The following RBMS3 variants were observed in gnomAD, a reference collection of about 807,000 sequenced individuals.
RBMS3 encodes the protein RNA binding motif single stranded interacting protein 3.
RBMS3 carries 27 observed loss-of-function variants against 66.8 expected under a neutral mutation model. The ratio of observed to expected loss-of-function variants is 0.40; its 90% CI spans 0.30 to 0.56. The LOEUF (loss-of-function observed/expected upper bound fraction) is 0.56, where lower values mean the gene tolerates loss of function less well. Among genes scored for constraint, RBMS3 ranks in the 20% least tolerant of loss-of-function variants. The pLI is 0.40. For missense variants in RBMS3, 513 were observed against 549.5 expected, an observed-to-expected ratio of 0.93 and a Z score of 0.66; for synonymous variants, 188 against 183.0, an observed-to-expected ratio of 1.03 and a Z score of -0.22.
At chr3:29,836,073 A>G (rs1340870911) in intron 6 of RBMS3, among the ~76,000 whole-genome samples, 1 of 152,062 alleles carries the variant, frequency 6.6e-6, no homozygotes, top group Non-Finnish European at 1.5e-5. Context: ...ATGATGAAAC[A>G]GAAAATCTGA....
intron 10 of RBMS3, among the ~76,000 whole-genome samples, chr3:29,912,635 T>G (rs1302750347): frequency 6.6e-6 from 1 of 152,068 alleles, no homozygotes; most frequent in East Asian, 1.9e-4. Flanking sequence ...GGACATTTCT[T>G]TTATTAACTC....
At chr3:29,650,742 G>A (rs2050117487) in intron 4 of RBMS3, among the ~76,000 whole-genome samples, 1 of 152,166 alleles carries the variant, frequency 6.6e-6, no homozygotes, top group South Asian at 2.1e-4. Flanking sequence ...CACTGCTTAA[G>A]TTATTAAAAG....
intron 1 of RBMS3, among the ~76,000 whole-genome samples, chr3:29,422,582 T>G (rs1315513483): frequency 6.6e-6 from 1 of 152,000 alleles, no homozygotes; most frequent in Non-Finnish European, 1.5e-5. Context: ...TGTAAATATT[T>G]TATAAGTTTC....
rs541946131 is a variant in RBMS3, at chr3:29,814,755, A to C, written c.637+51766A>C. 2.0e-5 allele frequency among the ~76,000 whole-genome samples: 3 copies of C among 152,326 alleles called. No individual in the cohort carries two copies. The East Asian group carries it at 5.8e-4, about 29-fold the overall frequency. ...ATTTATCCACGTGCACATTGTGCAC[A>C]TGTACCCTAAAACTTAAAGTATAAT... On this transcript the variant is annotated intron_variant, in intron 6 of 14. Transcript: ENST00000383767.
chr3:29,604,990 T>C lies in RBMS3; in HGVS notation c.399+17785T>C, dbSNP rs542461632. Among the ~76,000 whole-genome samples the C allele has an allele frequency of 1.2e-4, 19 of 152,062 alleles. No homozygotes were observed. The South Asian group carries it at 3.9e-3, about 31-fold the overall frequency. On this transcript the variant is annotated intron_variant, in intron 4 of 14. Transcript: ENST00000383767. ...TCCTCCAAAATAAAGCAAAAATAAATCTTATAATGACTTTCTTTTCTTTAT... is the reference window on the plus strand; with the variant it reads ...TCCTCCAAAATAAAGCAAAAATAAACCTTATAATGACTTTCTTTTCTTTAT...
intron 4 of RBMS3, among the ~76,000 whole-genome samples, chr3:29,650,957 A>G (rs2050123515): frequency 6.6e-6 from 1 of 152,190 alleles, no homozygotes; most frequent in Admixed American, 6.5e-5. Context: ...TATTTTACAG[A>G]GCCTGAAGTC....
intron 2 of RBMS3, among the ~76,000 whole-genome samples, chr3:29,442,019 C>G (rs1053190597): frequency 6.6e-6 from 1 of 152,026 alleles, no homozygotes; most frequent in African/African-American, 2.4e-5. Context: ...GATAATAAAG[C>G]CCTGGAATAT....
intron 3 of RBMS3, among the ~76,000 whole-genome samples, chr3:29,529,356 C>CA (rs1559441758): frequency 6.6e-6 from 1 of 150,416 alleles, no homozygotes; most frequent in Non-Finnish European, 1.5e-5. Context: ...GCCATGGGGG[C>CA]AAAAAGGGAT....
At chr3:29,991,352 G>C in intron 14 of RBMS3, 143 bp downstream of exon 14, 1 of 1,415,228 alleles carries the variant, frequency 7.1e-7, no homozygotes, top group South Asian at 1.4e-5. Context: ...TGATTATGTG[G>C]GTTTGAAATT....
intron 1 of RBMS3, among the ~76,000 whole-genome samples, chr3:29,361,867 C>T (rs1423464101): frequency 1.3e-5 from 2 of 152,192 alleles, no homozygotes; most frequent in Non-Finnish European, 2.9e-5. Flanking sequence ...GCATTCATCA[C>T]TTAGTTCTCG....
At chr3:29,778,860 C>T (rs1382715264) in intron 6 of RBMS3, among the ~76,000 whole-genome samples, 1 of 151,840 alleles carries the variant, frequency 6.6e-6, no homozygotes, top group Non-Finnish European at 1.5e-5. Flanking sequence ...TAACATTGTA[C>T]TGCTATGTCA....
chr3:29,282,012 G>A (rs1429642354), intron 1 of RBMS3, among the ~76,000 whole-genome samples: 1 of 152,110 alleles, frequency 6.6e-6, no homozygotes, highest in Non-Finnish European at 1.5e-5. Context: ...TTGTTATTTG[G>A]CAGCATAAAT....
chr3:29,427,725 G>C (rs991303548), intron 1 of RBMS3, among the ~76,000 whole-genome samples: 8 of 152,068 alleles, frequency 5.3e-5, no homozygotes, highest in African/African-American at 1.7e-4. Flanking sequence ...TATTGCATAG[G>C]AGGTGAATAA....
intron 2 of RBMS3, among the ~76,000 whole-genome samples, chr3:29,458,693 C>T (rs1178480065): frequency 2.0e-5 from 3 of 152,082 alleles, no homozygotes; most frequent in South Asian, 2.1e-4. Flanking sequence ...GGATGGGATA[C>T]AGAGGGCCAA....
intron 3 of RBMS3, among the ~76,000 whole-genome samples, chr3:29,503,322 T>C (rs575211561): frequency 1.3e-5 from 2 of 152,216 alleles, no homozygotes; most frequent in Admixed American, 1.3e-4. Flanking sequence ...CTCCAGCCTC[T>C]AATTCTTACC....
At chr3:29,900,034 G>A (rs112499364) in intron 10 of RBMS3, among the ~76,000 whole-genome samples, 15 of 151,802 alleles carry the variant, frequency 9.9e-5, no homozygotes, top group African/African-American at 3.4e-4. Context: ...AGAAGAAATA[G>A]CAATCAACCA....
intron 1 of RBMS3, among the ~76,000 whole-genome samples, chr3:29,297,694 T>C (rs2033373587): frequency 6.6e-6 from 1 of 151,860 alleles, no homozygotes; most frequent in African/African-American, 2.4e-5. Flanking sequence ...GTTCTTACAT[T>C]GCTATATTTC....
Position 29,982,062 on chromosome 3 carries a change from T to C in RBMS3, c.1099-6081T>C, listed in dbSNP as rs979777713. ...ATGAATCCATCTGCTCCTGGGCTTT[T>C]TTTGTTGGTAGGCTATCAATTACTG... On this transcript the variant is annotated intron_variant, in intron 12 of 14. Transcript: ENST00000383767. 3.3e-5 allele frequency among the ~76,000 whole-genome samples: 5 copies of C among 152,310 alleles called. No homozygotes were observed. In the East Asian group the frequency reaches 9.7e-4, roughly 29 times the overall value.
intron 10 of RBMS3, among the ~76,000 whole-genome samples, chr3:29,902,805 G>A (rs912251227): frequency 6.6e-6 from 1 of 151,850 alleles, no homozygotes; most frequent in African/African-American, 2.4e-5. Context: ...CAGATGTATT[G>A]CCTAGGCTAG....
Sources: gnomAD v4.1 joint callset for allele counts (sites outside exome capture counted in the v4.1 genomes callset) on GRCh38, gnomAD v4.1.1 for gene constraint, MANE v1.5 for transcripts, NCBI Gene and HGNC (gene_info 2026-07-23, HGNC 2026-07-21) for gene names.